The following COL19A1 variants were observed in gnomAD, a reference collection of about 807,000 sequenced individuals.
COL19A1 encodes the protein collagen alpha-1(XIX) chain.
In COL19A1, 159 loss-of-function variants were observed where a neutral mutation model predicts 190.2. The ratio of observed to expected loss-of-function variants is 0.84; its 90% confidence interval spans 0.73 to 0.95. COL19A1 has a LOEUF of 0.95. COL19A1 is among the 40% of genes least tolerant of loss of function. COL19A1 has a pLI of 0.00. For synonymous variants in COL19A1, 509 were observed against 458.9 expected (o/e 1.11, Z -1.39); for missense variants, 1,418 against 1,431.9 (o/e 0.99, Z 0.16).
chr6:70,010,674 C>T (rs1777946665), intron 11 of COL19A1, among the ~76,000 whole-genome samples: 1 of 137,378 alleles, frequency 7.3e-6, no homozygotes, highest in Admixed American at 7.1e-5. Flanking sequence ...CGGCGCACCA[C>T]GAGACTATAT....
intron 15 of COL19A1, among the ~76,000 whole-genome samples, chr6:70,084,521 G>A (rs926444283): frequency 2.0e-5 from 3 of 152,172 alleles, no homozygotes; most frequent in African/African-American, 4.8e-5. Context: ...CCAATGTAGA[G>A]GAAAATCAGT....
intron 19 of COL19A1, among the ~76,000 whole-genome samples, chr6:70,139,271 T>G (rs1472621116): frequency 6.6e-6 from 1 of 152,102 alleles, no homozygotes; most frequent in African/African-American, 2.4e-5. Flanking sequence ...TGGACCACAC[T>G]TTAAGCAGCA....
At chr6:70,195,908 A>G (rs1024494072) in intron 48 of COL19A1, among the ~76,000 whole-genome samples, 2 of 152,124 alleles carry the variant, frequency 1.3e-5, no homozygotes, top group Admixed American at 6.5e-5. Flanking sequence ...ATGCTCCCCC[A>G]TTCTTGTCTG....
chr6:69,868,886 T>C (rs1767646391), intron 1 of COL19A1, among the ~76,000 whole-genome samples: 3 of 152,200 alleles, frequency 2.0e-5, no homozygotes. Context: ...TCAATGGTTC[T>C]AGAGGCGGAA....
In COL19A1 at chr6:69,962,859, A is replaced by G; in HGVS notation, c.1015A>G (p.Thr339Ala). The G allele has an allele frequency of 6.2e-7, 1 of 1,607,864 alleles. No homozygotes were observed. The highest frequency in any genetic ancestry group is 1.3e-5 in the African/African-American group (1 of 74,926). The part of the protein sequence containing the change: ...EQGFEGSKGE[T>A]GEKGEQGEKG... ...AGGTTTTGAAGGCAGCAAAGGAGAA[A>G]CTGGTGAAAAGGTAAATATCTCTTT... The change falls in exon 11 of 51, where the codon ACT becomes GCT. Residue 339 changes from threonine (T) to alanine (A), a missense_variant. Transcript: ENST00000620364.
At position 70,190,311 on chromosome 6, in the gene COL19A1, TCAGGC is replaced by T. The variant is rs1458336981; in HGVS notation, c.3028-3_3029del. 6.3e-7 allele frequency: 1 copy of T among 1,599,182 alleles called. No homozygotes were observed. Among genetic ancestry groups the T allele is most frequent in the Non-Finnish European group, 8.6e-7 (1 of 1,168,622 alleles). The stretch of plus-strand genomic sequence containing the variant: ...TTTAACAACCTTTTTTTTTCCTTCT[TCAGGC>T]TGATGCAGTTTCATTTGAAGAAATA... On this transcript the variant is annotated splice_acceptor_variant and splice_polypyrimidine_tract_variant and coding_sequence_variant and intron_variant, in exon 48 of 51. Transcript: ENST00000620364. LOFTEE classifies it high-confidence loss of function.
rs2150012342 is a variant in COL19A1, at chr6:69,929,698, G to A, written c.664G>A (p.Asp222Asn). 13 of 1,608,654 alleles carry A rather than the reference G, an allele frequency of 8.1e-6. No homozygotes were observed. Among genetic ancestry groups the A allele is most frequent in the Non-Finnish European group, 1.1e-5 (13 of 1,176,802 alleles). The stretch of plus-strand genomic sequence containing the variant: ...GCGAGCTTCAGATGGCAAGCCTGTG[G>A]ATGTAAGTTGTGATGTTAGTTGTGA... ...ATRASDGKPV[D>N]IELHQLKIYC... The change falls in exon 6 of 51, where the codon GAT becomes AAT. Residue 222 changes from aspartate to asparagine, a missense_variant and splice_region_variant. By Grantham distance (23) the Asp-to-Asn change is conservative. Transcript: ENST00000620364.
rs557599643 is a variant in COL19A1 at position 70,060,812 on chromosome 6, A to C, written c.1171-7611A>C. On this transcript the variant is annotated intron_variant, in intron 14 of 50. Transcript: ENST00000620364. ...GCACAAAAAAATATAATGTGCTTGAATCATCCTGAAACCATGCCCCCATCA... is the reference window on the plus strand; with the variant it reads ...GCACAAAAAAATATAATGTGCTTGACTCATCCTGAAACCATGCCCCCATCA... Among the ~76,000 whole-genome samples the C allele has an allele frequency of 9.2e-5, 14 of 152,308 alleles. 1 individual carries two copies. In the South Asian group the frequency reaches 2.9e-3, roughly 32 times the overall value.
intron 2 of COL19A1, chr6:69,891,274 A>G (rs1394662650): frequency 6.5e-6 from 1 of 153,462 alleles, no homozygotes; most frequent in Non-Finnish European, 1.5e-5. Context: ...CCTGAGCCCA[A>G]TCCTAAACCA....
At chr6:70,187,959 G>C in intron 46 of COL19A1, 116 bp from the exon 47 acceptor site, 1 of 1,214,772 alleles carries the variant, frequency 8.2e-7, no homozygotes, top group Non-Finnish European at 1.2e-6. Context: ...GAGAGTTTAA[G>C]TTATTTATAC....
chr6:70,178,188 G>C (rs568486962), intron 42 of COL19A1, among the ~76,000 whole-genome samples: 1 of 152,300 alleles, frequency 6.6e-6, no homozygotes, highest in South Asian at 2.1e-4. Flanking sequence ...AGGAGTTAGA[G>C]ACCAACCTGG....
chr6:70,210,916 T>A lies in COL19A1; in HGVS notation c.*3642T>A, dbSNP rs890114103. Reference sequence around the variant, plus strand: ...GTTTTGATTTTATTTCTTTGGTGGATATATATGTACTTATACACTTAGTTA... The same window carrying A: ...GTTTTGATTTTATTTCTTTGGTGGAAATATATGTACTTATACACTTAGTTA... On this transcript the variant is annotated 3_prime_UTR_variant, in exon 51 of 51. Coordinates refer to ENST00000620364, the MANE Select transcript of COL19A1 (RefSeq NM_001858.6). 6.6e-6 allele frequency among the ~76,000 whole-genome samples: 1 copy of A among 152,190 alleles called. No individual in the cohort carries two copies. The highest frequency in any genetic ancestry group is 2.4e-5 in the African/African-American group (1 of 41,460).
intron 14 of COL19A1, among the ~76,000 whole-genome samples, chr6:70,036,524 T>C (rs1227546983): frequency 6.6e-6 from 1 of 152,222 alleles, no homozygotes; most frequent in Non-Finnish European, 1.5e-5. Flanking sequence ...GTACATCATG[T>C]ATTAAGCACT....
intron 4 of COL19A1, among the ~76,000 whole-genome samples, chr6:69,924,427 T>C (rs1772215088): frequency 6.6e-6 from 1 of 152,210 alleles, no homozygotes. Flanking sequence ...ACAAAGGACA[T>C]GAACTCGTCA....
chr6:69,928,109 A>G, intron 5 of COL19A1, 77 bp downstream of exon 5: 1 of 1,561,750 alleles, frequency 6.4e-7, no homozygotes, highest in Non-Finnish European at 8.7e-7. Context: ...ACTGGTGCAC[A>G]AATTTGCGAG....
At chr6:69,965,405 G>A (rs1424667558) in intron 11 of COL19A1, among the ~76,000 whole-genome samples, 2 of 152,130 alleles carry the variant, frequency 1.3e-5, no homozygotes, top group Non-Finnish European at 2.9e-5. Context: ...ACCAACTGGA[G>A]TAATCTGCTT....
At chr6:70,160,049 A>T (rs1395319745) in intron 34 of COL19A1, among the ~76,000 whole-genome samples, 1 of 152,110 alleles carries the variant, frequency 6.6e-6, no homozygotes, top group African/African-American at 2.4e-5. Context: ...TATTCCCACT[A>T]CCCAGGAGGG....
chr6:70,005,070 G>T (rs1178683967), intron 11 of COL19A1, among the ~76,000 whole-genome samples: 1 of 152,084 alleles, frequency 6.6e-6, no homozygotes, highest in Non-Finnish European at 1.5e-5. Flanking sequence ...CTAACTTCAT[G>T]ATGTGCCCGC....
In COL19A1 at chr6:69,960,041, G is replaced by A. The variant is rs761124659; in HGVS notation, c.981+1G>A. On this transcript the variant is annotated splice_donor_variant, in intron 10 of 50. Coordinates refer to ENST00000620364, the MANE Select transcript of COL19A1 (RefSeq NM_001858.6). LOFTEE classifies it high-confidence loss of function. ...TGCTCCAGGATTCCCTGGTCAAAAG[G>A]TAAAGAGTTCTTGAATGTTTCATCT... The A allele has an allele frequency of 9.3e-6, 15 of 1,612,176 alleles. No individual in the cohort carries two copies. The African/African-American group carries it at 1.1e-4, about 11-fold the overall frequency.
Sources: gnomAD v4.1 joint callset for allele counts (sites outside exome capture counted in the v4.1 genomes callset) on GRCh38, gnomAD v4.1.1 for gene constraint, MANE v1.5 for transcripts, NCBI Gene and HGNC (gene_info 2026-07-23, HGNC 2026-07-21) for gene names.